The following SGCZ variants were observed in gnomAD, a reference collection of about 807,000 sequenced individuals.
SGCZ encodes sarcoglycan zeta, also known as zeta-sarcoglycan.
In SGCZ, 40 loss-of-function variants were observed where a neutral mutation model predicts 41.3. The ratio of observed to expected loss-of-function variants is 0.97; its 90% CI spans 0.75 to 1.26. The LOEUF (loss-of-function observed/expected upper bound fraction) is 1.26, where lower values mean the gene tolerates loss of function less well. Ranked by LOEUF, SGCZ falls within the 50% of genes most tolerant of loss-of-function variation. The pLI, the probability that SGCZ is intolerant of heterozygous loss-of-function variation, is 0.00. For synonymous variants in SGCZ, 206 were observed against 137.5 expected (o/e 1.50, Z -3.49); for missense variants, 552 against 369.8 (o/e 1.49, Z -4.04).
At chr8:14,163,233 T>G (rs1017909261) in intron 5 of SGCZ, among the ~76,000 whole-genome samples, 1 of 152,124 alleles carries the variant, frequency 6.6e-6, no homozygotes, top group Admixed American at 6.5e-5. Flanking sequence ...ACTTGTGTCG[T>G]GGGGGTTTAT....
intron 2 of SGCZ, among the ~76,000 whole-genome samples, chr8:14,393,247 T>C (rs993482236): frequency 3.3e-5 from 5 of 152,170 alleles, no homozygotes; most frequent in African/African-American, 9.7e-5. Flanking sequence ...CTTTTCTCTT[T>C]AATGAAAACC....
chr8:14,406,646 C>T (rs1036740049), intron 2 of SGCZ, among the ~76,000 whole-genome samples: 1 of 152,100 alleles, frequency 6.6e-6, no homozygotes, highest in Non-Finnish European at 1.5e-5. Flanking sequence ...GGCAGAAGCG[C>T]CTCCCCATTA....
At chr8:14,807,541 T>C (rs899898746) in intron 1 of SGCZ, among the ~76,000 whole-genome samples, 8 of 151,618 alleles carry the variant, frequency 5.3e-5, no homozygotes, top group African/African-American at 1.9e-4. Context: ...AAGGACCTCT[T>C]CAAGGAGAAC....
chr8:15,015,730 T>C (rs1490177293), intron 1 of SGCZ, among the ~76,000 whole-genome samples: 3 of 61,998 alleles, frequency 4.8e-5, no homozygotes, highest in Non-Finnish European at 8.6e-5. Context: ...TATACACGTG[T>C]GTGTGTGTGT....
intron 1 of SGCZ, among the ~76,000 whole-genome samples, chr8:14,962,656 A>C (rs1801000360): frequency 6.6e-6 from 1 of 152,202 alleles, no homozygotes; most frequent in South Asian, 2.1e-4. Flanking sequence ...AAAGTAACAC[A>C]GTCACTAATC....
intron 1 of SGCZ, among the ~76,000 whole-genome samples, chr8:14,608,274 A>C (rs2117331836): frequency 7.0e-6 from 1 of 143,336 alleles, no homozygotes; most frequent in East Asian, 2.1e-4. Context: ...TTTTTTTGTA[A>C]GTGTGGTAAA....
At chr8:14,579,452 T>G in intron 1 of SGCZ, among the ~76,000 whole-genome samples, 1 of 152,332 alleles carries the variant, frequency 6.6e-6, no homozygotes, top group South Asian at 2.1e-4. Context: ...ACATTTTTTC[T>G]GAATCAAGTG....
intron 1 of SGCZ, among the ~76,000 whole-genome samples, chr8:14,646,132 G>A (rs564886308): frequency 6.6e-6 from 1 of 151,780 alleles, no homozygotes; most frequent in Admixed American, 6.6e-5. Flanking sequence ...ATGATGCTGA[G>A]GTTCAGGGTA....
intron 1 of SGCZ, among the ~76,000 whole-genome samples, chr8:15,211,174 A>G (rs1315602004): frequency 6.6e-6 from 1 of 151,910 alleles, no homozygotes; most frequent in Non-Finnish European, 1.5e-5. Context: ...GTTAATAAAA[A>G]GAATTCCAGA....
At chr8:14,708,755 C>T (rs1170529633) in intron 1 of SGCZ, among the ~76,000 whole-genome samples, 1 of 151,084 alleles carries the variant, frequency 6.6e-6, no homozygotes, top group Non-Finnish European at 1.5e-5. Flanking sequence ...TTTAATGGAA[C>T]AAGATTCTAT....
At chr8:14,230,876 A>T (rs928432575) in intron 4 of SGCZ, among the ~76,000 whole-genome samples, 1 of 151,986 alleles carries the variant, frequency 6.6e-6, no homozygotes, top group Non-Finnish European at 1.5e-5. Flanking sequence ...GTGAAACACG[A>T]AAGAGTATCT....
intron 1 of SGCZ, among the ~76,000 whole-genome samples, chr8:15,047,219 C>G (rs1283097458): frequency 6.6e-6 from 1 of 151,938 alleles, no homozygotes; most frequent in African/African-American, 2.4e-5. Flanking sequence ...TTGTTCAAAA[C>G]AAACTGTCTC....
At chr8:14,948,602 C>G (rs1468822505) in intron 1 of SGCZ, among the ~76,000 whole-genome samples, 1 of 152,072 alleles carries the variant, frequency 6.6e-6, no homozygotes, top group Non-Finnish European at 1.5e-5. Context: ...TAACCTACTC[C>G]AGGTAGTTTC....
At chr8:14,907,053 T>C (rs1037233941) in intron 1 of SGCZ, among the ~76,000 whole-genome samples, 17 of 152,182 alleles carry the variant, frequency 1.1e-4, no homozygotes, top group African/African-American at 4.1e-4. Context: ...TTGTTCTCCC[T>C]GAAAGCATGG....
chr8:14,174,812 A>T (rs950310602), intron 4 of SGCZ, among the ~76,000 whole-genome samples: 3 of 152,130 alleles, frequency 2.0e-5, no homozygotes, highest in Non-Finnish European at 4.4e-5. Context: ...CTAGAAGTCT[A>T]AAACAAAGGT....
intron 1 of SGCZ, among the ~76,000 whole-genome samples, chr8:14,586,340 A>T (rs555301373): frequency 6.6e-6 from 1 of 151,962 alleles, no homozygotes; most frequent in African/African-American, 2.4e-5. Flanking sequence ...CAGACTCCCA[A>T]GTAGCTAGGA....
At chr8:14,386,916 G>C (rs549440430) in intron 2 of SGCZ, among the ~76,000 whole-genome samples, 38 of 152,250 alleles carry the variant, frequency 2.5e-4, no homozygotes, top group African/African-American at 8.9e-4. Context: ...TTTGAATTAA[G>C]TTCATATTGT....
intron 1 of SGCZ, among the ~76,000 whole-genome samples, chr8:14,846,996 T>C (rs1791799973): frequency 6.6e-6 from 1 of 151,784 alleles, no homozygotes; most frequent in South Asian, 2.1e-4. Flanking sequence ...TGCTTGAACC[T>C]GGGAGGCGGA....
intron 1 of SGCZ, among the ~76,000 whole-genome samples, chr8:15,093,336 T>C (rs997784394): frequency 2.6e-5 from 4 of 152,214 alleles, no homozygotes; most frequent in African/African-American, 9.7e-5. Flanking sequence ...CTGGTTATTC[T>C]AGCTCAAAAC....
Sources: gnomAD v4.1 joint callset for allele counts (sites outside exome capture counted in the v4.1 genomes callset) on GRCh38, gnomAD v4.1.1 for gene constraint, MANE v1.5 for transcripts, NCBI Gene and HGNC (gene_info 2026-07-23, HGNC 2026-07-21) for gene names.